The following THSD7A variants were observed in gnomAD, a reference collection of about 807,000 sequenced individuals.
THSD7A encodes the protein thrombospondin type-1 domain-containing protein 7A.
A neutral mutation model predicts 231.3 loss-of-function variants in THSD7A; 96 were observed. That is an observed-to-expected ratio of 0.41 (90% CI 0.35 to 0.49). THSD7A has a LOEUF of 0.49. THSD7A is among the 20% of genes least tolerant of loss of function. The pLI is 0.05. For synonymous variants in THSD7A, 940 were observed against 743.3 expected (o/e 1.26, Z -4.30); for missense variants, 2,290 against 2,070.2 (o/e 1.11, Z -2.06).
At position 11,636,392 on chromosome 7, in the gene THSD7A, T is replaced by G. The variant is rs1332621644; in HGVS notation, c.760A>C (p.Ser254Arg). The G allele has an allele frequency of 4.3e-6, 7 of 1,613,748 alleles. No homozygotes were observed. Among genetic ancestry groups the G allele is most frequent in the Non-Finnish European group, 5.9e-6 (7 of 1,179,906 alleles). The change falls in exon 2 of 28, where the codon AGC (serine) becomes CGC (arginine). Residue 254 changes from serine to arginine, a missense_variant. Coordinates refer to ENST00000423059, the MANE Select transcript of THSD7A (RefSeq NM_015204.3). The surrounding 1 kb of genome is among the most constrained non-coding windows in gnomAD (Gnocchi z 10.0). Reference sequence around the variant, plus strand: ...GTGCTCCAGGGCCCCACATGCAGGCTGTACCTGAGCTCCTCGGCCTCGCAT... The same window carrying G: ...GTGCTCCAGGGCCCCACATGCAGGCGGTACCTGAGCTCCTCGGCCTCGCAT... ...SPCEAEELRY[S>R]LHVGPWSTCS...
chr7:11,745,306 T>G (rs1188761042), intron 1 of THSD7A, among the ~76,000 whole-genome samples: 1 of 152,148 alleles, frequency 6.6e-6, no homozygotes, highest in African/African-American at 2.4e-5. Flanking sequence ...TTTTTTCTTG[T>G]AAATTTGTTT....
chr7:11,594,740 T>C (rs372963742), intron 2 of THSD7A, among the ~76,000 whole-genome samples: 13 of 152,318 alleles, frequency 8.5e-5, no homozygotes, highest in African/African-American at 2.4e-4. Flanking sequence ...ATCTGCTAGA[T>C]AAATTGTCCT....
chr7:11,541,738 G>T, intron 5 of THSD7A, 107 bp from the exon 6 acceptor site: 2 of 1,042,590 alleles, frequency 1.9e-6, no homozygotes, highest in Non-Finnish European at 2.8e-6. Context: ...GGAGGTAGAA[G>T]TCATTTCTGT....
At chr7:11,485,878 A>G (rs1786636291) in intron 6 of THSD7A, among the ~76,000 whole-genome samples, 1 of 152,256 alleles carries the variant, frequency 6.6e-6, no homozygotes. Context: ...GCTCATAGCC[A>G]TTGAACAAAC....
intron 1 of THSD7A, among the ~76,000 whole-genome samples, chr7:11,652,108 C>A (rs1267007863): frequency 6.6e-6 from 1 of 151,864 alleles, no homozygotes; most frequent in African/African-American, 2.4e-5. Context: ...GTTACGTTTC[C>A]TTTTTTATCA....
At chr7:11,534,892 C>G (rs1260216882) in intron 6 of THSD7A, among the ~76,000 whole-genome samples, 1 of 152,122 alleles carries the variant, frequency 6.6e-6, no homozygotes, top group Non-Finnish European at 1.5e-5. Context: ...GACTGTTGCC[C>G]CAGCTACTTG....
At chr7:11,628,194 C>A (rs112469367) in intron 2 of THSD7A, among the ~76,000 whole-genome samples, 12 of 152,112 alleles carry the variant, frequency 7.9e-5, no homozygotes, top group African/African-American at 2.7e-4. Flanking sequence ...ATGTTTAGAC[C>A]TGCAGGATAT....
intron 1 of THSD7A, among the ~76,000 whole-genome samples, chr7:11,702,989 G>A (rs912494125): frequency 6.6e-6 from 1 of 151,122 alleles, no homozygotes; most frequent in Non-Finnish European, 1.5e-5. Context: ...CAGTCTTCTG[G>A]AAACTCTCTG....
chr7:11,749,034 T>C (rs1157694597), intron 1 of THSD7A, among the ~76,000 whole-genome samples: 1 of 151,882 alleles, frequency 6.6e-6, no homozygotes, highest in African/African-American at 2.4e-5. Flanking sequence ...CCAAATATTA[T>C]TGAGAGAGCT....
chr7:11,402,803 C>G (rs192154093), intron 22 of THSD7A, among the ~76,000 whole-genome samples: 1 of 152,236 alleles, frequency 6.6e-6, no homozygotes. Context: ...GTTCTAATTT[C>G]TTCATTCGTA....
In THSD7A at chr7:11,406,422, C is replaced by G; in HGVS notation, c.4115G>C (p.Ser1372Thr). ...GCTGAAATCATCAGCTGACCCATCA[C>G]TTACTACACAAGAAATGTTCCTTGT... is the stretch of plus-strand genomic sequence containing the variant. ...TRTRNISCVV[S>T]DGSADDFSKV... is the part of the protein sequence containing the mutation. The change falls in exon 22 of 28, where the codon AGT becomes ACT. Residue 1372 changes from serine to threonine, a missense_variant. Physicochemically the swap from Ser to Thr is moderately conservative, Grantham distance 58. Coordinates refer to ENST00000423059, the MANE Select transcript of THSD7A (RefSeq NM_015204.3). The surrounding 1 kb of genome is among the most constrained non-coding windows in gnomAD (Gnocchi z 4.7). 6.2e-7 allele frequency: 1 copy of G among 1,613,958 alleles called. No homozygotes were observed. The highest frequency in any genetic ancestry group is 1.1e-5 in the South Asian group (1 of 91,084).
rs375900872 is a variant in THSD7A, at chr7:11,589,391, C to T, written c.1453+1069G>A. Among the ~76,000 whole-genome samples, 5 of 152,246 alleles carry T rather than the reference C, an allele frequency of 3.3e-5. No homozygotes were observed. In the East Asian group the frequency reaches 5.8e-4, roughly 18 times the overall value. On this transcript the variant is annotated intron_variant, in intron 4 of 27. Transcript: ENST00000423059. ...TGTTCCCTTGCCTGAAATGAACTCC[C>T]TCTTGCACTCTTGCCATGCTTCCCT...
chr7:11,523,258 C>A (rs1036647289), intron 6 of THSD7A, among the ~76,000 whole-genome samples: 1 of 151,930 alleles, frequency 6.6e-6, no homozygotes, highest in African/African-American at 2.4e-5. Flanking sequence ...AATAAAAAGT[C>A]TTTATAGTAA....
At chr7:11,597,591 C>A (rs542386390) in intron 2 of THSD7A, among the ~76,000 whole-genome samples, 1 of 152,312 alleles carries the variant, frequency 6.6e-6, no homozygotes, top group South Asian at 2.1e-4. Context: ...GATTTTGGAA[C>A]AAGGCCCTGC....
At chr7:11,537,975 C>A (rs1311288840) in intron 6 of THSD7A, among the ~76,000 whole-genome samples, 1 of 152,176 alleles carries the variant, frequency 6.6e-6, no homozygotes, top group Non-Finnish European at 1.5e-5. Flanking sequence ...AAGAATGGCA[C>A]AATACACAAG....
At chr7:11,419,719 G>A (rs551727083) in intron 16 of THSD7A, among the ~76,000 whole-genome samples, 13 of 152,304 alleles carry the variant, frequency 8.5e-5, no homozygotes, top group South Asian at 4.1e-4. Flanking sequence ...ATGACGGAAC[G>A]TTTGGAACTT....
intron 1 of THSD7A, among the ~76,000 whole-genome samples, chr7:11,827,339 C>CTACCTCTA (rs1463339603): frequency 6.6e-6 from 1 of 152,120 alleles, no homozygotes; most frequent in Non-Finnish European, 1.5e-5. Flanking sequence ...GTTTATATCT[C>CTACCTCTA]TACCTCTATA....
intron 2 of THSD7A, among the ~76,000 whole-genome samples, chr7:11,615,980 G>A (rs936072721): frequency 1.3e-5 from 2 of 151,998 alleles, no homozygotes; most frequent in African/African-American, 4.8e-5. Flanking sequence ...GTTTTACTGT[G>A]TACAGAGTAA....
chr7:11,636,396 C>A lies in THSD7A; in HGVS notation c.756G>T (p.Arg252Ser), dbSNP rs1400565371. ...QSSPCEAEEL[R>S]YSLHVGPWST... ...TCCAGGGCCCCACATGCAGGCTGTA[C>A]CTGAGCTCCTCGGCCTCGCATGGAC... Residue 252 changes from arginine to serine, a missense_variant, in exon 2 of 28, where the codon AGG (arginine) becomes AGT (serine). Physicochemically the swap from Arg to Ser is moderately radical, Grantham distance 110. Coordinates refer to ENST00000423059, the MANE Select transcript of THSD7A (RefSeq NM_015204.3). This position sits in a 1 kb window ranked among gnomAD's most constrained non-coding sequence, Gnocchi z 10.0. 1 of 1,613,802 alleles carries A rather than the reference C, an allele frequency of 6.2e-7. No individual in the cohort carries two copies. Among genetic ancestry groups the A allele is most frequent in the South Asian group, 1.1e-5 (1 of 91,078 alleles).
Sources: allele counts gnomAD v4.1 joint callset (sites outside exome capture counted in the v4.1 genomes callset), GRCh38; gene constraint gnomAD v4.1.1; non-coding constraint Gnocchi (gnomAD v3.1); transcripts MANE v1.5; gene names NCBI Gene and HGNC (gene_info 2026-07-23, HGNC 2026-07-21).